Variants in SEMA3F observed in about 807,000 individuals in gnomAD.
SEMA3F encodes the protein semaphorin 3F.
A neutral mutation model predicts 98.5 loss-of-function variants in SEMA3F; 30 were observed. That is an observed-to-expected ratio of 0.30 (90% confidence interval 0.23 to 0.41). The LOEUF is 0.41. Ranked by LOEUF, SEMA3F falls within the 10% of genes least tolerant of loss-of-function variation. The pLI, the probability that SEMA3F is intolerant of heterozygous loss-of-function variation, is 1.00. For synonymous variants in SEMA3F, 380 were observed against 444.8 expected (o/e 0.85, Z 1.83); for missense variants, 866 against 1,119.3 (o/e 0.77, Z 3.23).
chr3:50,181,577 C>T (rs1196020068), intron 7 of SEMA3F, among the ~76,000 whole-genome samples: 1 of 151,668 alleles, frequency 6.6e-6, no homozygotes, highest in Non-Finnish European at 1.5e-5. Flanking sequence ...CAGCCTTGGC[C>T]TCCCAAAGTG....
In SEMA3F at chr3:50,175,184, G is replaced by A. The variant is rs1278416489; in HGVS notation, c.545G>A (p.Arg182His). The change falls in exon 6 of 19, where the codon CGC (arginine) becomes CAC (histidine). Residue 182 changes from arginine to histidine, a missense_variant. Arg to His is a conservative substitution (Grantham distance 29). Coordinates refer to ENST00000002829, the MANE Select transcript of SEMA3F (RefSeq NM_004186.5). ...CTCCGCCCGATGCCCACAGCCCCAC[G>A]CCAGGTGGGCCTCATCCCTCCAGGC... ...GALRPMPTAP[R>H]QDYIFYLEPE... 16 of 1,588,260 alleles carry A rather than the reference G, an allele frequency of 1.0e-5. No homozygotes were observed. In the Middle Eastern group the frequency reaches 6.6e-4, roughly 66 times the overall value.
chr3:50,182,285 TGAG>T lies in SEMA3F; in HGVS notation c.649_651del (p.Glu217del). On this transcript the variant is annotated inframe_deletion and splice_region_variant, in exon 8 of 19. Transcript: ENST00000002829. The surrounding 1 kb of genome is among the most constrained non-coding windows in gnomAD (Gnocchi z 4.5). ...ACTGACCCACTGGCCTACCCACAGA[TGAG>T]GAGCTCTATGCTGGTGTGTACATCG... 6.2e-7 allele frequency: 1 copy of T among 1,614,062 alleles called. No homozygotes were observed. Among genetic ancestry groups the T allele is most frequent in the Non-Finnish European group, 8.5e-7 (1 of 1,180,020 alleles).
intron 2 of SEMA3F, among the ~76,000 whole-genome samples, chr3:50,172,476 C>T (rs1698654246): frequency 6.6e-6 from 1 of 152,110 alleles, no homozygotes; most frequent in Non-Finnish European, 1.5e-5. Flanking sequence ...CCCCTCCTGT[C>T]CTTCATCCTT....
intron 13 of SEMA3F, 137 bp from the exon 14 acceptor site, chr3:50,185,306 A>T: frequency 1.3e-6 from 1 of 782,118 alleles, no homozygotes; most frequent in Admixed American, 2.7e-5. Flanking sequence ...TGACCTGGGG[A>T]AACTCTTCCA....
intron 2 of SEMA3F, among the ~76,000 whole-genome samples, chr3:50,160,020 T>G (rs553304061): frequency 7.4e-4 from 112 of 152,166 alleles, no homozygotes; most frequent in African/African-American, 2.6e-3. Flanking sequence ...GGCATGTCTT[T>G]CTGTATGATA....
chr3:50,182,592 CA>C lies in SEMA3F; in HGVS notation c.764-51del, dbSNP rs999413562. On this transcript the variant is annotated intron_variant, in intron 8 of 18. Coordinates refer to ENST00000002829, the MANE Select transcript of SEMA3F (RefSeq NM_004186.5). This position sits in a 1 kb window ranked among gnomAD's most constrained non-coding sequence, Gnocchi z 4.5. The stretch of plus-strand genomic sequence containing the variant: ...GGCTGGGGATTCTGTTGGAGAACAT[CA>C]GGGGCACCATCAGAGTAGGGGCTCA... The C allele has an allele frequency of 1.4e-5, 22 of 1,597,988 alleles. No individual in the cohort carries two copies. The South Asian group carries it at 1.7e-4, about 12-fold the overall frequency.
intron 11 of SEMA3F, 42 bp downstream of exon 11, chr3:50,183,297 C>T (rs553583686): frequency 2.5e-5 from 40 of 1,608,792 alleles, no homozygotes; most frequent in Admixed American, 3.3e-5. Flanking sequence ...GGAGTGGCCC[C>T]GTTGGGGGAT....
At chr3:50,186,369 T>C (rs1385402195) in intron 17 of SEMA3F, 21 bp downstream of exon 17, 8 of 1,609,134 alleles carry the variant, frequency 5.0e-6, no homozygotes, top group South Asian at 1.1e-5. Context: ...TGGGCCTCAC[T>C]GTGGGGTGCT....
chr3:50,172,946 A>G (rs1034022400), intron 2 of SEMA3F, among the ~76,000 whole-genome samples: 8 of 152,104 alleles, frequency 5.3e-5, no homozygotes, highest in African/African-American at 1.7e-4. Flanking sequence ...TGAGCGTGGG[A>G]GCATTAACCC....
In SEMA3F at chr3:50,174,063, A is replaced by G; in HGVS notation, c.285A>G (p.Ala95=). ...CCCCCTCTCTGCAGATACACTGGGCAGCCTCCCCACAGCGCATCGAGGAAT... is the reference window on the plus strand; with the variant it reads ...CCCCCTCTCTGCAGATACACTGGGCGGCCTCCCCACAGCGCATCGAGGAAT... ...INREPLIIHW[A]ASPQRIEECV... The change falls in exon 4 of 19, where the codon GCA becomes GCG. Residue 95 remains alanine, a synonymous_variant. Coordinates refer to ENST00000002829, the MANE Select transcript of SEMA3F (RefSeq NM_004186.5). 1 of 1,614,108 alleles carries G rather than the reference A, an allele frequency of 6.2e-7. No homozygotes were observed. Among genetic ancestry groups the G allele is most frequent in the African/African-American group, 1.3e-5 (1 of 75,064 alleles).
intron 12 of SEMA3F, 33 bp from the exon 13 acceptor site, chr3:50,184,559 A>T: frequency 6.4e-7 from 1 of 1,561,738 alleles, no homozygotes; most frequent in Non-Finnish European, 8.8e-7. Flanking sequence ...CTGCCCAGGC[A>T]GCCTGGGACT....
intron 2 of SEMA3F, among the ~76,000 whole-genome samples, chr3:50,169,342 C>A (rs1698518027): frequency 6.6e-6 from 1 of 152,184 alleles, no homozygotes; most frequent in Non-Finnish European, 1.5e-5. Context: ...TGAGAAGGTC[C>A]TGCCTCTGGA....
At chr3:50,155,258 T>A, upstream of SEMA3F, 2 of 331,434 alleles carry the variant, frequency 6.0e-6, no homozygotes, top group Non-Finnish European at 1.1e-5. The surrounding 1 kb of genome is among the most constrained non-coding windows in gnomAD (Gnocchi z 4.9). Flanking sequence ...CGCCCCGCGC[T>A]GGGGAATGCG....
At chr3:50,178,287 C>T (rs998049909) in intron 7 of SEMA3F, among the ~76,000 whole-genome samples, 4 of 152,036 alleles carry the variant, frequency 2.6e-5, no homozygotes, top group Non-Finnish European at 4.4e-5. Context: ...CTATGGGCTG[C>T]AGAATGGATG....
chr3:50,178,721 CA>C (rs535984701), intron 7 of SEMA3F, among the ~76,000 whole-genome samples: 1,912 of 101,216 alleles, frequency 0.019, 40 homozygotes, highest in African/African-American at 0.056. Context: ...GACTCTGGCT[CA>C]AAAAAAAAAA....
Position 50,173,891 on chromosome 3 carries a change from G to A in SEMA3F, c.211G>A (p.Val71Met), listed in dbSNP as rs753733068. 21 of 1,614,044 alleles carry A rather than the reference G, an allele frequency of 1.3e-5. No homozygotes were observed. The highest frequency in any genetic ancestry group is 1.6e-4 in the Middle Eastern group (1 of 6,084). Residue 71 changes from valine (V) to methionine (M), a missense_variant, in exon 3 of 19, where the codon GTG becomes ATG. Physicochemically the swap from Val to Met is conservative, Grantham distance 21. Transcript: ENST00000002829. ...LKDEDHDRMY[V>M]GSKDYVLSLD... ...GGACGAGGACCACGACCGCATGTAC[G>A]TGGGCAGCAAGGACTACGTGCTGTC...
At chr3:50,180,088 T>C (rs561130994) in intron 7 of SEMA3F, among the ~76,000 whole-genome samples, 46 of 152,352 alleles carry the variant, frequency 3.0e-4, no homozygotes, top group African/African-American at 1.0e-3. Flanking sequence ...TTGGGACCTA[T>C]CTCAGCTTTC....
intron 5 of SEMA3F, 137 bp from the exon 6 acceptor site, chr3:50,174,959 C>T: frequency 1.5e-6 from 1 of 660,360 alleles, no homozygotes; most frequent in South Asian, 1.7e-5. Context: ...TGTATGTACA[C>T]ACGCATAGAC....
At chr3:50,185,222 G>A (rs569422595) in intron 13 of SEMA3F, among the ~76,000 whole-genome samples, 5 of 152,304 alleles carry the variant, frequency 3.3e-5, no homozygotes, top group Admixed American at 2.0e-4. Flanking sequence ...TTCTCAGCAG[G>A]GCCCAAAATC....
Sources: gnomAD v4.1 joint callset for allele counts (sites outside exome capture counted in the v4.1 genomes callset) on GRCh38, gnomAD v4.1.1 for gene constraint, Gnocchi (gnomAD v3.1) non-coding constraint, MANE v1.5 for transcripts, NCBI Gene and HGNC (gene_info 2026-07-23, HGNC 2026-07-21) for gene names.